ARK2N: variants seen among roughly 807,000 people sequenced by gnomAD.
ARK2N encodes the protein arkadia (RNF111) N-terminal like PKA signaling regulator 2N.
chr18:46,239,999 C>T, the ARK2N span: 1 of 1,613,510 alleles, frequency 6.2e-7, no homozygotes, highest in Admixed American at 1.7e-5. Flanking sequence ...TTTCTTTCCT[C>T]CCTAGATGGA....
the ARK2N span, among the ~76,000 whole-genome samples, chr18:46,212,801 T>C: frequency 3.1e-4 from 47 of 152,286 alleles, no homozygotes; most frequent in South Asian, 9.3e-3. Flanking sequence ...ACACAACTTA[T>C]TTCTTGAAGA....
chr18:46,174,564 C>G, the ARK2N span, among the ~76,000 whole-genome samples: 5 of 152,162 alleles, frequency 3.3e-5, no homozygotes, highest in Non-Finnish European at 7.4e-5. Context: ...CTTGCTCGTC[C>G]GCCGTTGGTG....
the ARK2N span, among the ~76,000 whole-genome samples, chr18:46,241,605 T>TGGTGGTGGGCGC: frequency 1.3e-5 from 2 of 151,238 alleles, no homozygotes; most frequent in Admixed American, 6.6e-5. Context: ...GTGGTGGGCG[T>TGGTGGTGGGCGC]GGTGGTGGGC....
At chr18:46,198,091 C>T in the ARK2N span, among the ~76,000 whole-genome samples, 18 of 151,976 alleles carry the variant, frequency 1.2e-4, no homozygotes, top group South Asian at 3.1e-3. Flanking sequence ...CACTTGAGGT[C>T]GGGAGTTCAA....
At chr18:46,254,379 C>G in the ARK2N span, among the ~76,000 whole-genome samples, 1 of 152,154 alleles carries the variant, frequency 6.6e-6, no homozygotes, top group Non-Finnish European at 1.5e-5. Context: ...AGAAACCCCA[C>G]AAGACATCAA....
At chr18:46,174,760 C>T in the ARK2N span, among the ~76,000 whole-genome samples, 3 of 152,198 alleles carry the variant, frequency 2.0e-5, no homozygotes, top group Admixed American at 1.3e-4. Context: ...TTTCCGGCTC[C>T]TAGGCCCGCG....
chr18:46,233,344 C>G, the ARK2N span, among the ~76,000 whole-genome samples: 5 of 152,126 alleles, frequency 3.3e-5, no homozygotes, highest in African/African-American at 1.2e-4. Flanking sequence ...CTCTTTCTTG[C>G]TGTATGTAGT....
chr18:46,192,078 GATAGTA>G, the ARK2N span, among the ~76,000 whole-genome samples: 1 of 152,124 alleles, frequency 6.6e-6, no homozygotes, highest in Non-Finnish European at 1.5e-5. Context: ...TCCAATTTTT[GATAGTA>G]TGTTTGCTTC....
the ARK2N span, chr18:46,173,817 G>A: frequency 2.6e-5 from 4 of 152,342 alleles, no homozygotes; most frequent in African/African-American, 9.7e-5. Context: ...AAGACATTTC[G>A]GGAAGGTGAC....
At chr18:46,255,357 A>G in the ARK2N span, among the ~76,000 whole-genome samples, 1 of 145,568 alleles carries the variant, frequency 6.9e-6, no homozygotes, top group East Asian at 2.0e-4. Context: ...TACCTTCTGT[A>G]TTTATTCTGT....
chr18:46,210,004 A>G, the ARK2N span, among the ~76,000 whole-genome samples: 1 of 152,142 alleles, frequency 6.6e-6, no homozygotes, highest in East Asian at 1.9e-4. Flanking sequence ...ACATCAGATA[A>G]ATCTCAACTT....
At chr18:46,207,312 A>G in the ARK2N span, among the ~76,000 whole-genome samples, 8 of 152,024 alleles carry the variant, frequency 5.3e-5, no homozygotes, top group Non-Finnish European at 1.2e-4. Context: ...ATTACTAGGT[A>G]GCTGAAGTAC....
chr18:46,181,542 G>A, the ARK2N span, among the ~76,000 whole-genome samples: 5 of 151,806 alleles, frequency 3.3e-5, no homozygotes, highest in South Asian at 2.1e-4. Flanking sequence ...GTGAAACCCC[G>A]TCTCTACTAA....
chr18:46,245,641 G>A, the ARK2N span, among the ~76,000 whole-genome samples: 24 of 151,446 alleles, frequency 1.6e-4, no homozygotes, highest in Non-Finnish European at 2.8e-4. Flanking sequence ...AGCTAAATGA[G>A]TAGTGACTTA....
At chr18:46,262,069 G>A in the ARK2N span, among the ~76,000 whole-genome samples, 93,398 of 152,038 alleles carry the variant, frequency 0.61, 31,231 homozygotes, top group Non-Finnish European at 0.74. Flanking sequence ...CTGAGGGCTG[G>A]TCAGGAAGTT....
chr18:46,247,288 G>A, the ARK2N span, among the ~76,000 whole-genome samples: 1 of 152,290 alleles, frequency 6.6e-6, no homozygotes, highest in African/African-American at 2.4e-5. Flanking sequence ...ATTGGAGGTA[G>A]TAAGGTGAGG....
chr18:46,253,699 C>A, the ARK2N span: 14 of 1,611,478 alleles, frequency 8.7e-6, no homozygotes, highest in South Asian at 2.2e-5. Flanking sequence ...TCTCTCAGGT[C>A]ATTTGGATCC....
the ARK2N span, among the ~76,000 whole-genome samples, chr18:46,200,311 CGTTT>C: frequency 2.2e-3 from 319 of 146,800 alleles, no homozygotes; most frequent in African/African-American, 8.1e-3. Flanking sequence ...TTTGTTTGTT[CGTTT>C]GTTTTTTTTT....
the ARK2N span, among the ~76,000 whole-genome samples, chr18:46,229,587 G>T: frequency 6.6e-6 from 1 of 150,972 alleles, no homozygotes; most frequent in African/African-American, 2.4e-5. Context: ...GTCATGATCC[G>T]CCTGCCTCAG....
Sources: allele counts gnomAD v4.1 joint callset (sites outside exome capture counted in the v4.1 genomes callset), GRCh38; gene constraint gnomAD v4.1.1; transcripts MANE v1.5; gene names NCBI Gene and HGNC (gene_info 2026-07-23, HGNC 2026-07-21).